Variants in RICTOR observed in about 807,000 individuals in gnomAD.
RICTOR encodes rapamycin-insensitive companion of mTOR.
In RICTOR, 49 loss-of-function variants were observed where a neutral mutation model predicts 214.9. The observed-to-expected ratio is 0.23, with a 90% confidence interval of 0.18 to 0.29. The LOEUF is 0.29. RICTOR is among the 10% of genes least tolerant of loss of function. The pLI, the probability that RICTOR is intolerant of heterozygous loss-of-function variation, is 1.00. For missense variants in RICTOR, 1,625 were observed against 2,047.0 expected (o/e 0.79, Z 3.98); for synonymous variants, 717 against 711.3 (o/e 1.01, Z -0.13).
At chr5:39,067,900 C>T (rs79243564) in intron 2 of RICTOR, among the ~76,000 whole-genome samples, 2,955 of 152,228 alleles carry the variant, frequency 0.019, 104 homozygotes, top group African/African-American at 0.067. Context: ...TTCTTCCAGT[C>T]AATTAATGCC....
intron 2 of RICTOR, among the ~76,000 whole-genome samples, chr5:39,066,523 T>G (rs925683185): frequency 1.3e-5 from 2 of 152,258 alleles, no homozygotes; most frequent in African/African-American, 4.8e-5. Flanking sequence ...GGTTGCTCTA[T>G]AGCCTGCTTG....
chr5:39,047,294 A>T (rs118046870), intron 2 of RICTOR, among the ~76,000 whole-genome samples: 2,808 of 152,262 alleles, frequency 0.018, 55 homozygotes, highest in African/African-American at 0.052. Context: ...TCAGATCATC[A>T]GGCATTAGAT....
chr5:39,068,976 A>T (rs911666592), intron 2 of RICTOR, among the ~76,000 whole-genome samples: 1 of 152,216 alleles, frequency 6.6e-6, no homozygotes, highest in Non-Finnish European at 1.5e-5. Flanking sequence ...GCCCTTTAAA[A>T]TTTCAAAGCC....
At chr5:39,053,377 GA>G (rs1416530324) in intron 2 of RICTOR, among the ~76,000 whole-genome samples, 1 of 152,122 alleles carries the variant, frequency 6.6e-6, no homozygotes, top group Non-Finnish European at 1.5e-5. Flanking sequence ...TGAGGATTAT[GA>G]ACCCTCAGTG....
chr5:38,969,759 C>T (rs1458156184), intron 11 of RICTOR: 1 of 150,220 alleles, frequency 6.7e-6, no homozygotes. Context: ...AGCTCCGCCT[C>T]CCGGGTTCAC....
intron 5 of RICTOR, among the ~76,000 whole-genome samples, chr5:39,000,686 G>A (rs1369410531): frequency 6.6e-6 from 1 of 151,888 alleles, no homozygotes; most frequent in African/African-American, 2.4e-5. Context: ...ATATAAAATG[G>A]ACATCATCTG....
intron 5 of RICTOR, among the ~76,000 whole-genome samples, chr5:39,001,890 A>C (rs1302961284): frequency 6.6e-6 from 1 of 152,148 alleles, no homozygotes; most frequent in Non-Finnish European, 1.5e-5. Context: ...ACTCCTATAC[A>C]TAATAGTAGA....
At chr5:39,066,764 C>T (rs1006777919) in intron 2 of RICTOR, among the ~76,000 whole-genome samples, 22 of 152,352 alleles carry the variant, frequency 1.4e-4, no homozygotes, top group Non-Finnish European at 1.0e-4. Flanking sequence ...CAAGTTCAAA[C>T]TTCCACAGGT....
chr5:39,071,519 T>C (rs967289796), intron 2 of RICTOR, among the ~76,000 whole-genome samples: 1 of 152,224 alleles, frequency 6.6e-6, no homozygotes, highest in Non-Finnish European at 1.5e-5. Context: ...CCAAGTACTT[T>C]AATTAAGAAC....
chr5:38,985,883 A>T (rs1752131458), intron 7 of RICTOR, among the ~76,000 whole-genome samples: 1 of 152,050 alleles, frequency 6.6e-6, no homozygotes, highest in Non-Finnish European at 1.5e-5. Flanking sequence ...TTTAGTAGAG[A>T]CAGGGTTTCA....
intron 2 of RICTOR, among the ~76,000 whole-genome samples, chr5:39,050,790 G>A (rs1430515648): frequency 6.6e-6 from 1 of 152,132 alleles, no homozygotes; most frequent in Non-Finnish European, 1.5e-5. Context: ...AGGGAAGTGG[G>A]AGAATATACA....
At chr5:38,980,587 G>T (rs372284352) in intron 8 of RICTOR, among the ~76,000 whole-genome samples, 6 of 152,114 alleles carry the variant, frequency 3.9e-5, no homozygotes, top group Non-Finnish European at 8.8e-5. Context: ...GCTCATACCT[G>T]TAAGCCCAGC....
At position 38,975,538 on chromosome 5, in the gene RICTOR, T is replaced by G. The variant is rs147910634; in HGVS notation, c.888A>C (p.Ala296=). 1.9e-6 allele frequency: 3 copies of G among 1,609,788 alleles called. No homozygotes were observed. The African/African-American group carries it at 4.0e-5, about 22-fold the overall frequency. ...ATAAAGCAATGTAGAGTAACCTACC[T>G]GCCCATGATCGGAATGTTGCTATGA... The part of the protein sequence containing the change: ...MGIIATFRSW[A]GIINLCKPGN... Residue 296 remains alanine (A), a splice_region_variant and synonymous_variant, in exon 10 of 38, where the codon GCA becomes GCC. Transcript: ENST00000357387.
In RICTOR at chr5:38,939,293, A is replaced by T. The variant is rs1747276843; in HGVS notation, c.*3011T>A. On this transcript the variant is annotated 3_prime_UTR_variant, in exon 38 of 38. Coordinates refer to ENST00000357387, the MANE Select transcript of RICTOR (RefSeq NM_152756.5). Reference sequence around the variant, plus strand: ...TTGAATTATCTCAAGCTCTAGATAAAAGAGCTGAAACCCATTAAAGTTGTC... The same window carrying T: ...TTGAATTATCTCAAGCTCTAGATAATAGAGCTGAAACCCATTAAAGTTGTC... 4.3e-6 allele frequency: 1 copy of T among 232,332 alleles called. No individual in the cohort carries two copies. The highest frequency in any genetic ancestry group is 5.6e-5 in the Admixed American group (1 of 17,742). The allele number at this position is 232,332 out of a possible 1,614,324, so 14.4% of individuals were successfully genotyped here.
At chr5:39,026,478 T>C (rs1364196531) in intron 2 of RICTOR, among the ~76,000 whole-genome samples, 1 of 152,174 alleles carries the variant, frequency 6.6e-6, no homozygotes, top group Non-Finnish European at 1.5e-5. Flanking sequence ...TTCATCATAT[T>C]GTGTAGACTG....
At chr5:39,064,023 T>C (rs997675706) in intron 2 of RICTOR, among the ~76,000 whole-genome samples, 1 of 152,114 alleles carries the variant, frequency 6.6e-6, no homozygotes, top group African/African-American at 2.4e-5. Flanking sequence ...GTTTACGCAA[T>C]CTGGCTGGAA....
rs983260391 is a variant in RICTOR, at chr5:39,032,268, G to A, written c.98-11132C>T. Among the ~76,000 whole-genome samples the A allele has an allele frequency of 3.3e-5, 5 of 152,062 alleles. No individual in the cohort carries two copies. The East Asian group carries it at 5.8e-4, about 18-fold the overall frequency. On this transcript the variant is annotated intron_variant, in intron 2 of 37. Coordinates refer to ENST00000357387, the MANE Select transcript of RICTOR (RefSeq NM_152756.5). ...ATGCAGAGAACAAGTATTATCTTCC[G>A]TTTACATACTTGAAATAACCATGTT...
chr5:38,957,638 A>G lies in RICTOR; in HGVS notation c.2499+14T>C. Reference sequence around the variant, plus strand: ...AAAACACACAAATTCAACTTTATTCAAATAAGAAGTTACCCTGTGCCACTT... The same window carrying G: ...AAAACACACAAATTCAACTTTATTCGAATAAGAAGTTACCCTGTGCCACTT... On this transcript the variant is annotated intron_variant, in intron 25 of 37. Transcript: ENST00000357387. The G allele has an allele frequency of 3.6e-6, 5 of 1,373,984 alleles. No homozygotes were observed. Among genetic ancestry groups the G allele is most frequent in the Non-Finnish European group, 4.1e-6 (4 of 978,240 alleles). The allele number at this position is 1,373,984 out of a possible 1,614,324, so 85.1% of individuals were successfully genotyped here. A position where few individuals can be genotyped will look rare whatever the true frequency, so the allele number is the denominator to read the frequency against.
At chr5:39,009,804 G>T (rs1754361073) in intron 3 of RICTOR, among the ~76,000 whole-genome samples, 1 of 152,008 alleles carries the variant, frequency 6.6e-6, no homozygotes. Context: ...CTAAATTTTG[G>T]ATTATCAAAG....
Sources: gnomAD v4.1 joint callset for allele counts (sites outside exome capture counted in the v4.1 genomes callset) on GRCh38, gnomAD v4.1.1 for gene constraint, MANE v1.5 for transcripts, NCBI Gene and HGNC (gene_info 2026-07-23, HGNC 2026-07-21) for gene names.